Variants in SLC35B4 observed in about 807,000 individuals in gnomAD.
The protein encoded by SLC35B4 is nucleotide sugar transporter SLC35B4.
Under a neutral mutation model 39.5 loss-of-function variants are expected in SLC35B4, and 28 were observed. The observed-to-expected ratio is 0.71, with a 90% confidence interval of 0.53 to 0.97. SLC35B4 has a LOEUF of 0.97. SLC35B4 is among the 50% of genes least tolerant of loss of function. SLC35B4 has a pLI of 0.00. For synonymous variants in SLC35B4, 145 were observed against 150.4 expected, an observed-to-expected ratio of 0.96 and a Z score of 0.26; for missense variants, 334 against 414.3, an observed-to-expected ratio of 0.81 and a Z score of 1.68.
intron 8 of SLC35B4, among the ~76,000 whole-genome samples, chr7:134,297,741 T>A (rs1803498158): frequency 6.6e-6 from 1 of 152,226 alleles, no homozygotes; most frequent in Non-Finnish European, 1.5e-5. Context: ...AATATATTCT[T>A]ACATTAGTTT....
Position 134,289,788 on chromosome 7 carries a change from T to G in SLC35B4, c.*5045A>C. 1 of 152,214 alleles carries G rather than the reference T, an allele frequency of 6.6e-6. No homozygotes were observed. The highest frequency in any genetic ancestry group is 1.9e-4 in the East Asian group (1 of 5,200). The allele number at this position is 152,214 out of a possible 1,614,324, so 9.4% of individuals were successfully genotyped here. On this transcript the variant is annotated 3_prime_UTR_variant, in exon 10 of 10. Coordinates refer to ENST00000378509, the MANE Select transcript of SLC35B4 (RefSeq NM_032826.5). ...AGTCATCTATGCATTTCAAAAGATA[T>G]CAGTAAGTCAATGTGCCAAAGAAAT...
chr7:134,301,638 G>A (rs1803583950), intron 6 of SLC35B4, 123 bp downstream of exon 6: 2 of 834,360 alleles, frequency 2.4e-6, no homozygotes, highest in East Asian at 2.4e-5. Context: ...GATCCCAGGT[G>A]CCTCTCTTCC....
chr7:134,293,165 G>GTCT lies in SLC35B4; in HGVS notation c.*1665_*1667dup. The GTCT allele has an allele frequency of 1.8e-5, 2 of 113,088 alleles. No homozygotes were observed. The highest frequency in any genetic ancestry group is 7.8e-3 in the Middle Eastern group (2 of 258). 7.0% of individuals were successfully genotyped at this position (113,088 alleles called of 1,614,324 possible). On this transcript the variant is annotated 3_prime_UTR_variant, in exon 10 of 10. Coordinates refer to ENST00000378509, the MANE Select transcript of SLC35B4 (RefSeq NM_032826.5). ...ACATACATACACACACACACACACAGTCTTTGTCTATAGGCAAACAGAGAA... is the reference window on the plus strand; with the variant it reads ...ACATACATACACACACACACACACAGTCTTCTTTGTCTATAGGCAAACAGAGAA...
chr7:134,299,406 G>T, intron 8 of SLC35B4, 117 bp downstream of exon 8: 1 of 678,614 alleles, frequency 1.5e-6, no homozygotes, highest in Non-Finnish European at 2.4e-6. Context: ...AGACATTTTC[G>T]AAAGGAACAC....
intron 8 of SLC35B4, among the ~76,000 whole-genome samples, chr7:134,297,046 A>G (rs943900799): frequency 6.6e-6 from 1 of 152,180 alleles, no homozygotes; most frequent in African/African-American, 2.4e-5. Flanking sequence ...TCAGCCTCCC[A>G]AGTAGCTGGG....
At chr7:134,306,445 T>C (rs565271708) in intron 3 of SLC35B4, among the ~76,000 whole-genome samples, 10 of 152,344 alleles carry the variant, frequency 6.6e-5, no homozygotes, top group African/African-American at 1.9e-4. Flanking sequence ...AATTTTCTTT[T>C]TATTAATCAC....
At chr7:134,304,579 G>C (rs1438005017) in intron 4 of SLC35B4, among the ~76,000 whole-genome samples, 2 of 152,140 alleles carry the variant, frequency 1.3e-5, no homozygotes, top group Admixed American at 1.3e-4. Context: ...GTGATGCCAA[G>C]AGCTATTCAG....
upstream of SLC35B4, among the ~76,000 whole-genome samples, chr7:134,317,376 G>A (rs1049415145): frequency 6.6e-6 from 1 of 152,292 alleles, no homozygotes; most frequent in Admixed American, 6.5e-5. Flanking sequence ...TTCAAGTAAA[G>A]CAATGGCTCT....
chr7:134,301,630 T>C, intron 6 of SLC35B4, 131 bp downstream of exon 6: 1 of 794,866 alleles, frequency 1.3e-6, no homozygotes, highest in Non-Finnish European at 2.1e-6. Flanking sequence ...AGAAATATGA[T>C]CCCAGGTGCC....
upstream of SLC35B4, among the ~76,000 whole-genome samples, chr7:134,319,022 A>G (rs1804056536): frequency 6.6e-6 from 1 of 152,220 alleles, no homozygotes. Context: ...CTGCACTTGG[A>G]GAGCAGAAGC....
chr7:134,316,714 C>A lies in SLC35B4; in HGVS notation c.38G>T (p.Gly13Val). ...TAGGAAGATCACGTTACTGCAGCAG[C>A]CTGCGAACACCAGGCCCACCGCCAA... ...PALAVGLVFA[G>V]CCSNVIFLEL... is the part of the protein sequence containing the mutation. Residue 13 changes from glycine to valine, a missense_variant, in exon 1 of 10, where the codon GGC (glycine) becomes GTC (valine). Transcript: ENST00000378509. 6.4e-7 allele frequency: 1 copy of A among 1,550,534 alleles called. No homozygotes were observed. The highest frequency in any genetic ancestry group is 8.7e-7 in the Non-Finnish European group (1 of 1,146,778).
chr7:134,306,425 G>C (rs1240431360), intron 3 of SLC35B4, among the ~76,000 whole-genome samples: 1 of 152,052 alleles, frequency 6.6e-6, no homozygotes, highest in Non-Finnish European at 1.5e-5. Context: ...CTGTTTCCTA[G>C]GGAAAATTTA....
At chr7:134,317,104 C>G (rs542159002), upstream of SLC35B4, 2 of 242,788 alleles carry the variant, frequency 8.2e-6, no homozygotes, top group South Asian at 9.4e-5. Context: ...GCATGACTCG[C>G]GCGATAGGCG....
intron 1 of SLC35B4, among the ~76,000 whole-genome samples, chr7:134,314,559 G>A (rs530408171): frequency 5.3e-5 from 8 of 151,932 alleles, no homozygotes; most frequent in African/African-American, 1.7e-4. Flanking sequence ...TTTTTGAGAC[G>A]TAGTCTTGCA....
chr7:134,300,029 G>T, intron 7 of SLC35B4, 123 bp downstream of exon 7: 1 of 668,094 alleles, frequency 1.5e-6, no homozygotes, highest in Non-Finnish European at 2.5e-6. Context: ...TTCAGTCTGT[G>T]GGTCTCAAAG....
upstream of SLC35B4, among the ~76,000 whole-genome samples, chr7:134,317,230 G>T (rs1334095120): frequency 6.6e-6 from 1 of 152,186 alleles, no homozygotes; most frequent in Non-Finnish European, 1.5e-5. Context: ...TGGCAGCGGC[G>T]GCACTAGAAC....
At chr7:134,298,551 C>T (rs1803517095) in intron 8 of SLC35B4, among the ~76,000 whole-genome samples, 1 of 152,156 alleles carries the variant, frequency 6.6e-6, no homozygotes, top group Non-Finnish European at 1.5e-5. Context: ...TGGAATTTGA[C>T]AACATTTTTA....
chr7:134,314,124 AG>A (rs1441911301), intron 1 of SLC35B4, among the ~76,000 whole-genome samples: 1 of 152,238 alleles, frequency 6.6e-6, no homozygotes, highest in Non-Finnish European at 1.5e-5. Context: ...TTATAAAATT[AG>A]ATTTGTCCAC....
intron 4 of SLC35B4, among the ~76,000 whole-genome samples, chr7:134,304,340 G>A (rs1006781465): frequency 4.7e-5 from 7 of 149,986 alleles, no homozygotes; most frequent in Non-Finnish European, 1.5e-5. Context: ...GCAGTGAGCC[G>A]AGATCACACC....
Sources: gnomAD v4.1 joint callset for allele counts (sites outside exome capture counted in the v4.1 genomes callset) on GRCh38, gnomAD v4.1.1 for gene constraint, MANE v1.5 for transcripts, NCBI Gene and HGNC (gene_info 2026-07-23, HGNC 2026-07-21) for gene names.